FER: variants seen among roughly 807,000 people sequenced by gnomAD.
The protein encoded by FER is tyrosine-protein kinase Fer.
A neutral mutation model predicts 111.0 loss-of-function variants in FER; 63 were observed. The ratio of observed to expected loss-of-function variants is 0.57; its 90% CI spans 0.46 to 0.70. The LOEUF (loss-of-function observed/expected upper bound fraction) is 0.70, where lower values mean the gene tolerates loss of function less well. Ranked by LOEUF, FER falls within the 30% of genes least tolerant of loss-of-function variation. FER has a pLI of 0.00. For synonymous variants in FER, 327 were observed against 313.9 expected (o/e 1.04, Z -0.44); for missense variants, 914 against 954.0 (o/e 0.96, Z 0.55).
At chr5:108,970,222 T>G (rs1760452420) in intron 13 of FER, among the ~76,000 whole-genome samples, 1 of 148,026 alleles carries the variant, frequency 6.8e-6, no homozygotes, top group Non-Finnish European at 1.5e-5. Flanking sequence ...TTATTTTTAT[T>G]TATTTATTTT....
intron 18 of FER, among the ~76,000 whole-genome samples, chr5:109,185,246 G>A (rs1473126045): frequency 6.6e-6 from 1 of 152,090 alleles, no homozygotes; most frequent in African/African-American, 2.4e-5. Context: ...TAAAACAGGT[G>A]CACCTAGGTA....
chr5:109,138,679 C>T lies in FER; in HGVS notation c.2048+38160C>T, dbSNP rs182192018. Among the ~76,000 whole-genome samples, 149 of 152,224 alleles carry T rather than the reference C, an allele frequency of 9.8e-4. 3 individuals carry two copies. Among genetic ancestry groups the T allele is most frequent in the Non-Finnish European group, 1.7e-3 (114 of 68,002 alleles). On this transcript the variant is annotated intron_variant, in intron 17 of 19. Coordinates refer to ENST00000281092, the MANE Select transcript of FER (RefSeq NM_005246.4). The stretch of plus-strand genomic sequence containing the variant: ...CCTCTCACTCTATTTTAATATCAGT[C>T]AGCTATCCTTGTGTTTCCATCTGAT...
intron 13 of FER, among the ~76,000 whole-genome samples, chr5:108,969,427 A>T (rs1249287533): frequency 6.6e-6 from 1 of 152,138 alleles, no homozygotes; most frequent in African/African-American, 2.4e-5. Flanking sequence ...AGTTTAGGTT[A>T]TGTTGTTACC....
chr5:108,963,072 T>C (rs987355774), intron 13 of FER, among the ~76,000 whole-genome samples: 4 of 152,112 alleles, frequency 2.6e-5, no homozygotes, highest in Admixed American at 2.6e-4. Context: ...AACAGCAATA[T>C]TGGGTAGGGA....
At chr5:108,971,706 C>CT (rs958106589) in intron 13 of FER, among the ~76,000 whole-genome samples, 3 of 152,070 alleles carry the variant, frequency 2.0e-5, no homozygotes, top group Non-Finnish European at 4.4e-5. Context: ...CATTTTCCCC[C>CT]TATTTTCAAT....
At chr5:108,810,963 C>G (rs1398994462) in intron 3 of FER, among the ~76,000 whole-genome samples, 3 of 152,022 alleles carry the variant, frequency 2.0e-5, no homozygotes, top group Admixed American at 2.0e-4. Flanking sequence ...AGAGAGGGCC[C>G]TATTGCCCCA....
At chr5:108,974,278 G>T (rs990663393) in intron 13 of FER, among the ~76,000 whole-genome samples, 6 of 152,106 alleles carry the variant, frequency 3.9e-5, no homozygotes, top group Non-Finnish European at 7.4e-5. Flanking sequence ...GAATTTTATG[G>T]TATTTTAGGG....
intron 16 of FER, among the ~76,000 whole-genome samples, chr5:109,087,700 G>C (rs1334794695): frequency 1.3e-5 from 2 of 151,154 alleles, no homozygotes; most frequent in Admixed American, 6.6e-5. Context: ...TTTTGTTTTG[G>C]TAGTGGGAGG....
rs550425699 is a variant in FER, at chr5:108,903,858, G to A, written c.1236+6010G>A. 3.3e-5 allele frequency among the ~76,000 whole-genome samples: 5 copies of A among 152,262 alleles called. No individual in the cohort carries two copies. The South Asian group carries it at 1.0e-3, about 32-fold the overall frequency. On this transcript the variant is annotated intron_variant, in intron 10 of 19. Coordinates refer to ENST00000281092, the MANE Select transcript of FER (RefSeq NM_005246.4). ...AGGTAGTACATGCACATTTACATGG[G>A]TCTAAGTGTCCTTTCTTAGTGTCCC...
intron 16 of FER, among the ~76,000 whole-genome samples, chr5:109,077,883 A>G (rs1776530046): frequency 6.6e-6 from 1 of 152,200 alleles, no homozygotes; most frequent in Non-Finnish European, 1.5e-5. Context: ...GTAATCATAA[A>G]TAATTTGATT....
intron 8 of FER, among the ~76,000 whole-genome samples, chr5:108,875,311 T>C (rs1764979536): frequency 2.0e-5 from 3 of 152,130 alleles, no homozygotes; most frequent in African/African-American, 7.2e-5. Flanking sequence ...TACATTATTT[T>C]CGGGCTTAAA....
chr5:108,803,826 TG>T (rs1436454515), intron 3 of FER, among the ~76,000 whole-genome samples: 12 of 152,176 alleles, frequency 7.9e-5, no homozygotes, highest in African/African-American at 2.4e-4. Context: ...GGCGACTTTT[TG>T]GTTGCATATG....
chr5:109,167,928 G>A (rs987403569), intron 17 of FER, among the ~76,000 whole-genome samples: 1 of 152,116 alleles, frequency 6.6e-6, no homozygotes, highest in African/African-American at 2.4e-5. Context: ...ATGAACAAAT[G>A]AATTATATGA....
At chr5:109,180,103 A>G (rs955901345) in intron 17 of FER, among the ~76,000 whole-genome samples, 2 of 152,176 alleles carry the variant, frequency 1.3e-5, no homozygotes, top group Non-Finnish European at 2.9e-5. Context: ...TTTGGGGACA[A>G]AAAGAAGCCC....
intron 13 of FER, among the ~76,000 whole-genome samples, chr5:108,968,789 A>G (rs1478533384): frequency 6.6e-6 from 1 of 152,090 alleles, no homozygotes; most frequent in African/African-American, 2.4e-5. Flanking sequence ...TAATCAATAC[A>G]AACTCATACC....
chr5:108,892,784 G>T (rs62360797), intron 9 of FER, among the ~76,000 whole-genome samples: 1 of 152,012 alleles, frequency 6.6e-6, no homozygotes, highest in Non-Finnish European at 1.5e-5. Flanking sequence ...TTTCTTCTAG[G>T]GTTTTTATGG....
intron 9 of FER, among the ~76,000 whole-genome samples, chr5:108,888,475 C>T (rs1434160497): frequency 6.6e-6 from 1 of 151,804 alleles, no homozygotes; most frequent in African/African-American, 2.4e-5. Flanking sequence ...CAGAGGTCTC[C>T]TAGGAGATAG....
chr5:109,165,031 GC>G (rs1756388765), intron 17 of FER, among the ~76,000 whole-genome samples: 1 of 152,016 alleles, frequency 6.6e-6, no homozygotes, highest in Non-Finnish European at 1.5e-5. Context: ...TTTTATGTGT[GC>G]TATTTGATGA....
At chr5:108,795,580 AT>A (rs1301179279) in intron 2 of FER, among the ~76,000 whole-genome samples, 1 of 151,748 alleles carries the variant, frequency 6.6e-6, no homozygotes, top group African/African-American at 2.4e-5. Flanking sequence ...CCCTCTGACT[AT>A]TTTTAAATAG....
Sources: allele counts gnomAD v4.1 joint callset (sites outside exome capture counted in the v4.1 genomes callset), GRCh38; gene constraint gnomAD v4.1.1; transcripts MANE v1.5; gene names NCBI Gene and HGNC (gene_info 2026-07-23, HGNC 2026-07-21).